The following PERM1 variants were observed in gnomAD, a reference collection of about 807,000 sequenced individuals.
The protein encoded by PERM1 is PGC-1 and ERR-induced regulator in muscle protein 1.
PERM1 carries 45 observed loss-of-function variants against 44.1 expected under a neutral mutation model. The observed-to-expected ratio is 1.02, with a 90% CI of 0.80 to 1.31. PERM1 has a LOEUF of 1.31. PERM1 is among the 50% of genes most tolerant of loss of function. The pLI, the probability that PERM1 is intolerant of heterozygous loss-of-function variation, is 0.00. For missense variants in PERM1, 1,189 were observed against 1,106.9 expected (o/e 1.07, Z -1.05); for synonymous variants, 565 against 477.1 (o/e 1.18, Z -2.40).
At chr1:978,944 C>T in exon 1 of PERM1, 3 of 1,508,014 alleles carry the variant, frequency 2.0e-6, no homozygotes, top group African/African-American at 1.4e-5. Context: ...GTCCCAGGCC[C>T]CGCCCCCTCG....
At chr1:980,582 G>C (rs1643769760) in exon 1 of PERM1, 1 of 1,454,798 alleles carries the variant, frequency 6.9e-7, no homozygotes, top group Non-Finnish European at 9.1e-7. Flanking sequence ...GGCTCACCAG[G>C]GGGCCGTGGG....
At chr1:978,310 C>T (rs1232144159) in intron 1 of PERM1, among the ~76,000 whole-genome samples, 4 of 151,142 alleles carry the variant, frequency 2.6e-5, no homozygotes, top group East Asian at 2.0e-4. Flanking sequence ...ACACGTCTAC[C>T]CTGGACACGT....
chr1:975,862 A>G (rs908609950), exon 3 of PERM1: 3 of 369,076 alleles, frequency 8.1e-6, no homozygotes, highest in Non-Finnish European at 1.5e-5. Context: ...TGACCTCCCC[A>G]CTATTGCCTG....
rs1428237077 is a variant in PERM1, at chr1:980,486, G to A, written c.544C>T (p.Arg182Ter). 18 of 1,511,140 alleles carry A rather than the reference G, an allele frequency of 1.2e-5. No homozygotes were observed. The highest frequency in any genetic ancestry group is 3.9e-5 in the South Asian group (3 of 76,788). The allele number at this position is 1,511,140 out of a possible 1,614,324, so 93.6% of individuals were successfully genotyped here. The change falls in exon 1 of 3, where the codon CGA becomes TGA. Residue 182 changes from arginine (R) to a stop codon, truncating the protein, a stop_gained. Coordinates refer to ENST00000433179, the Ensembl canonical transcript of PERM1. LOFTEE classifies it high-confidence loss of function. ...GCACCCACAGCTCGCCTCTTCTTTC[G>A]GCTGGGGCTCCGTGGTGGGGCTCCA... is the stretch of plus-strand genomic sequence containing the variant.
intron 1 of PERM1, 67 bp from the exon 3 acceptor site, chr1:976,691 G>A: frequency 1.3e-6 from 2 of 1,493,314 alleles, no homozygotes; most frequent in Non-Finnish European, 8.9e-7. Flanking sequence ...CGCCCGCCCC[G>A]GGAACCGCCT....
chr1:979,447 G>GGGGCTGAGGGCC, exon 1 of PERM1: 1 of 1,544,206 alleles, frequency 6.5e-7, no homozygotes, highest in Non-Finnish European at 8.7e-7. Flanking sequence ...TGCTGTCTGG[G>GGGGCTGAGGGCC]GGGCTGAGGG....
At chr1:976,645 C>G in intron 1 of PERM1, 21 bp from the exon 3 acceptor site, 1 of 1,548,846 alleles carries the variant, frequency 6.5e-7, no homozygotes, top group Non-Finnish European at 8.7e-7. Flanking sequence ...AGCTCACCTT[C>G]AGCCCCACGG....
upstream of PERM1, chr1:981,961 C>T: frequency 1.0e-6 from 1 of 983,774 alleles, no homozygotes; most frequent in Non-Finnish European, 1.4e-6. Context: ...TGGCTTCCCA[C>T]CCACTGACCT....
chr1:981,976 C>T (rs1336747314), upstream of PERM1: 4 of 1,136,700 alleles, frequency 3.5e-6, no homozygotes, highest in Non-Finnish European at 4.6e-6. Context: ...TGACCTTCGC[C>T]CTCCTCTCTG....
upstream of PERM1, chr1:982,009 G>A: frequency 7.9e-7 from 1 of 1,266,728 alleles, no homozygotes; most frequent in South Asian, 1.2e-5. Context: ...GCCTCTGTGG[G>A]GGTTGTTACC....
exon 1 of PERM1, chr1:979,792 G>A (rs1643738124): frequency 1.9e-6 from 3 of 1,550,398 alleles, no homozygotes; most frequent in East Asian, 4.9e-5. Flanking sequence ...TGTAGGCAAG[G>A]CCACATCCAG....
chr1:980,616 C>T, exon 1 of PERM1: 1 of 1,446,956 alleles, frequency 6.9e-7, no homozygotes, highest in Non-Finnish European at 9.1e-7. Context: ...GAAGCCTCTG[C>T]ATCTGGTCTC....
At chr1:981,470 T>C (rs564283886), upstream of PERM1, among the ~76,000 whole-genome samples, 4 of 152,334 alleles carry the variant, frequency 2.6e-5, no homozygotes, top group South Asian at 8.3e-4. Flanking sequence ...CAAAGCACCT[T>C]TCAGGGTCCA....
exon 3 of PERM1, chr1:975,919 A>T: frequency 2.0e-6 from 1 of 499,678 alleles, no homozygotes; most frequent in Non-Finnish European, 3.5e-6. Flanking sequence ...GAATCTGGCC[A>T]CCCTCCTACC....
chr1:981,930 G>T, upstream of PERM1: 1 of 699,214 alleles, frequency 1.4e-6, no homozygotes, highest in South Asian at 1.7e-5. Flanking sequence ...GGACGGTCCT[G>T]AGACGGAGGC....
At chr1:979,943 G>T (rs964684993) in exon 1 of PERM1, 7 of 1,550,132 alleles carry the variant, frequency 4.5e-6, no homozygotes, top group African/African-American at 2.7e-5. Flanking sequence ...TTGGAGGCAG[G>T]TATAGACACA....
At chr1:976,267 A>G (rs768953272) in exon 3 of PERM1, 1 of 1,514,174 alleles carries the variant, frequency 6.6e-7, no homozygotes, top group South Asian at 1.3e-5. Context: ...TTGGCCAGCA[A>G]GGCTGCAAGA....
chr1:976,476 C>T (rs1001933039), intron 2 of PERM1, 23 bp downstream of exon 3: 4 of 1,549,318 alleles, frequency 2.6e-6, no homozygotes, highest in African/African-American at 1.4e-5. Context: ...GGCGCAGCTC[C>T]CTCTGCCCCC....
chr1:981,084 T>C, upstream of PERM1: 1 of 1,547,284 alleles, frequency 6.5e-7, no homozygotes, highest in Non-Finnish European at 8.7e-7. Flanking sequence ...GGGGTCTTCA[T>C]GGGTTCAGGC....
Sources: allele counts gnomAD v4.1 joint callset (sites outside exome capture counted in the v4.1 genomes callset), GRCh38; gene constraint gnomAD v4.1.1; transcripts MANE v1.5; gene names NCBI Gene and HGNC (gene_info 2026-07-23, HGNC 2026-07-21).